The following KDM2A variants were observed in gnomAD, a reference collection of about 807,000 sequenced individuals.
KDM2A encodes lysine demethylase 2A.
KDM2A carries 3 observed loss-of-function variants against 137.3 expected under a neutral mutation model. That is an observed-to-expected ratio of 0.02 (90% CI 0.01 to 0.06). KDM2A has a LOEUF of 0.06. Ranked by LOEUF, KDM2A falls within the 10% of genes least tolerant of loss-of-function variation. KDM2A has a pLI of 1.00. For missense variants in KDM2A, 738 were observed against 1,510.6 expected (o/e 0.49, Z 8.48); for synonymous variants, 512 against 541.5 (o/e 0.95, Z 0.76).
chr11:67,234,147 C>T (rs1776983005), intron 12 of KDM2A, among the ~76,000 whole-genome samples: 1 of 152,180 alleles, frequency 6.6e-6, no homozygotes, highest in South Asian at 2.1e-4. Flanking sequence ...ATCAGTTATG[C>T]TAAATCTCAG....
In KDM2A at chr11:67,172,347, C is replaced by G. The variant is rs1806376147; in HGVS notation, c.43-7732C>G. On this transcript the variant is annotated intron_variant, in intron 2 of 20. Coordinates refer to ENST00000529006, the MANE Select transcript of KDM2A (RefSeq NM_012308.3). ...AAAGCTGTGATTTTGATAAGAATTG[C>G]TTTGAATTGGAAGATAAATTTGGGA... Among the ~76,000 whole-genome samples, 3 of 152,112 alleles carry G rather than the reference C, an allele frequency of 2.0e-5. No individual in the cohort carries two copies. In the South Asian group the frequency reaches 6.2e-4, roughly 31 times the overall value.
intron 11 of KDM2A, among the ~76,000 whole-genome samples, chr11:67,229,612 T>G (rs1414486606): frequency 6.6e-6 from 1 of 152,210 alleles, no homozygotes; most frequent in Non-Finnish European, 1.5e-5. Context: ...GGCTCACACC[T>G]GTAATCCCAG....
intron 17 of KDM2A, among the ~76,000 whole-genome samples, chr11:67,251,363 T>C (rs1335995393): frequency 6.6e-6 from 1 of 152,202 alleles, no homozygotes; most frequent in Non-Finnish European, 1.5e-5. Flanking sequence ...AGAGTCCAGT[T>C]TTGAAGCTTC....
intron 10 of KDM2A, among the ~76,000 whole-genome samples, chr11:67,227,815 C>G (rs1488157880): frequency 1.3e-5 from 2 of 152,134 alleles, no homozygotes; most frequent in Non-Finnish European, 2.9e-5. Context: ...AAGTGATCCA[C>G]CCGTCTGGGC....
At chr11:67,247,071 ATTTTTTTTTTTTTT>A (rs1156333048) in intron 15 of KDM2A, among the ~76,000 whole-genome samples, 3 of 16,788 alleles carry the variant, frequency 1.8e-4, no homozygotes, top group East Asian at 1.6e-3. Context: ...ATATATATAT[ATTTTTTTTTTTTTT>A]TTTTTTTTTT....
At position 67,119,762 on chromosome 11, in the gene KDM2A, G is replaced by C. The variant is rs1855554755; in HGVS notation, c.-371G>C. ...TGCGGCCGGGGCCGGCCCGGGGCTC[G>C]GGCCCGGGCTGCTGACCGCTGGCCT... On this transcript the variant is annotated 5_prime_UTR_variant, in exon 1 of 21. Transcript: ENST00000529006. 6.6e-6 allele frequency: 1 copy of C among 150,472 alleles called. No homozygotes were observed. Among genetic ancestry groups the C allele is most frequent in the African/African-American group, 2.4e-5 (1 of 41,262 alleles). 9.3% of individuals were successfully genotyped at this position (150,472 alleles called of 1,614,324 possible). A position where few individuals can be genotyped will look rare whatever the true frequency, so the allele number is the denominator to read the frequency against.
chr11:67,209,916 C>G (rs1857926831), intron 6 of KDM2A, among the ~76,000 whole-genome samples: 1 of 152,034 alleles, frequency 6.6e-6, no homozygotes, highest in Non-Finnish European at 1.5e-5. Context: ...GAAACTTAGC[C>G]AGGCATGGTG....
In KDM2A at chr11:67,255,523, T is replaced by C. The variant is rs1397766299; in HGVS notation, c.*468T>C. The C allele has an allele frequency of 1.1e-5, 5 of 456,856 alleles. No homozygotes were observed. Among genetic ancestry groups the C allele is most frequent in the Admixed American group, 9.4e-5 (4 of 42,562 alleles). The allele number at this position is 456,856 out of a possible 1,614,324, so 28.3% of individuals were successfully genotyped here. ...TGCGCGTCTCTCCTCCATCACACTC[T>C]CCCGGCTTGCGCAGGAGGGGCCAGC... On this transcript the variant is annotated 3_prime_UTR_variant, in exon 21 of 21. Transcript: ENST00000529006.
At chr11:67,194,000 C>T (rs936825220) in intron 5 of KDM2A, among the ~76,000 whole-genome samples, 1 of 152,214 alleles carries the variant, frequency 6.6e-6, no homozygotes, top group Non-Finnish European at 1.5e-5. Flanking sequence ...AATCTCACTG[C>T]ACCTGTCCAC....
intron 2 of KDM2A, among the ~76,000 whole-genome samples, chr11:67,138,253 C>G (rs536087693): frequency 6.6e-6 from 1 of 152,236 alleles, no homozygotes; most frequent in South Asian, 2.1e-4. Context: ...GTGCTCAAAA[C>G]TTGTCTATTG....
At chr11:67,199,619 G>T (rs1857568098) in intron 5 of KDM2A, among the ~76,000 whole-genome samples, 1 of 152,208 alleles carries the variant, frequency 6.6e-6, no homozygotes, top group African/African-American at 2.4e-5. Flanking sequence ...AAGGCTGAGA[G>T]AGGTGAGGGA....
chr11:67,244,985 CAAAA>C (rs367648085), intron 13 of KDM2A, 200 bp from the exon 14 acceptor site: 1,424 of 340,328 alleles, frequency 4.2e-3, no homozygotes, highest in South Asian at 5.3e-3. Context: ...GACTCTGTCT[CAAAA>C]AAAAAAAAAA....
intron 2 of KDM2A, among the ~76,000 whole-genome samples, chr11:67,157,797 A>C (rs191358222): frequency 8.2e-4 from 124 of 151,614 alleles, no homozygotes; most frequent in African/African-American, 2.5e-3. Flanking sequence ...GTTACAACTG[A>C]TGAACCAATA....
intron 11 of KDM2A, among the ~76,000 whole-genome samples, chr11:67,229,089 T>C (rs1013323911): frequency 1.3e-5 from 2 of 152,208 alleles, no homozygotes; most frequent in Non-Finnish European, 2.9e-5. Flanking sequence ...GAATACATCA[T>C]CAGAATAACC....
chr11:67,189,622 C>G (rs1227362740), intron 5 of KDM2A, among the ~76,000 whole-genome samples: 1 of 152,064 alleles, frequency 6.6e-6, no homozygotes, highest in East Asian at 1.9e-4. Context: ...GGTGGATCAC[C>G]TGAGGTCAGG....
At chr11:67,201,218 A>ATATGTGTGTG (rs142075862) in intron 5 of KDM2A, among the ~76,000 whole-genome samples, 17 of 145,538 alleles carry the variant, frequency 1.2e-4, no homozygotes, top group South Asian at 4.4e-4. Flanking sequence ...ATATATATAT[A>ATATGTGTGTG]TGTGTGTGTG....
intron 2 of KDM2A, among the ~76,000 whole-genome samples, chr11:67,167,726 A>G (rs898638975): frequency 2.0e-5 from 3 of 151,982 alleles, no homozygotes; most frequent in Non-Finnish European, 4.4e-5. Context: ...AATTATTGTG[A>G]TCTAACATTT....
chr11:67,242,639 G>A (rs1859081871), intron 12 of KDM2A, among the ~76,000 whole-genome samples: 1 of 152,130 alleles, frequency 6.6e-6, no homozygotes, highest in African/African-American at 2.4e-5. Context: ...GGGAACAAAG[G>A]TGAGTTTGAA....
Position 67,254,516 on chromosome 11 carries a change from T to TCAACA in KDM2A, c.3307+98_3307+99insCAACA. 9.8e-7 allele frequency: 1 copy of TCAACA among 1,015,700 alleles called. No homozygotes were observed. The highest frequency in any genetic ancestry group is 1.5e-6 in the Non-Finnish European group (1 of 652,100). 62.9% of individuals were successfully genotyped at this position (1,015,700 alleles called of 1,614,324 possible). ...CCAGAATGACCTTGGGTCTGTTGAT[T>TCAACA]GACCCACATCAGCTCATTTCTTCAC... On this transcript the variant is annotated intron_variant, in intron 20 of 20. Coordinates refer to ENST00000529006, the MANE Select transcript of KDM2A (RefSeq NM_012308.3). This position sits in a 1 kb window ranked among gnomAD's most constrained non-coding sequence, Gnocchi z 4.7.
Sources: allele counts gnomAD v4.1 joint callset (sites outside exome capture counted in the v4.1 genomes callset), GRCh38; gene constraint gnomAD v4.1.1; non-coding constraint Gnocchi (gnomAD v3.1); transcripts MANE v1.5; gene names NCBI Gene and HGNC (gene_info 2026-07-23, HGNC 2026-07-21).